Variants in DNAJC5G observed in about 807,000 individuals in gnomAD.
The protein encoded by DNAJC5G is DnaJ heat shock protein family (Hsp40) member C5 gamma.
In DNAJC5G, 13 loss-of-function variants were observed where a neutral mutation model predicts 19.1. The ratio of observed to expected loss-of-function variants is 0.68; its 90% CI spans 0.44 to 1.08. The LOEUF is 1.08. DNAJC5G is among the 50% of genes least tolerant of loss of function. The probability of loss-of-function intolerance (pLI) is 0.00; values close to 1 mark genes in which losing one functional copy is unlikely to be tolerated. For missense variants in DNAJC5G, 245 were observed against 230.4 expected (o/e 1.06, Z -0.41); for synonymous variants, 81 against 84.4 (o/e 0.96, Z 0.22).
chr2:27,279,995 A>G (rs1442576586), intron 5 of DNAJC5G, among the ~76,000 whole-genome samples, 171 bp from the exon 6 acceptor site: 1 of 151,902 alleles, frequency 6.6e-6, no homozygotes, highest in African/African-American at 2.4e-5. Context: ...AAGAAAAGGA[A>G]AGTCTGAGAT....
rs1678213446 is a variant in DNAJC5G, at chr2:27,278,448, A to C, written c.520+116A>C. The C allele has an allele frequency of 1.3e-5, 19 of 1,435,304 alleles. 1 individual carries two copies. The South Asian group carries it at 2.3e-4, about 17-fold the overall frequency. The allele number at this position is 1,435,304 out of a possible 1,614,324, so 88.9% of individuals were successfully genotyped here. ...GTAATCCCAGCACTTTGGGAGGGTG[A>C]GGCGGGTGGATCACTTGAGGTCAGG... On this transcript the variant is annotated intron_variant, in intron 5 of 6. Transcript: ENST00000296097.
At chr2:27,277,683 A>T (rs763241791) in intron 3 of DNAJC5G, 71 bp from the exon 4 acceptor site, 17 of 1,575,510 alleles carry the variant, frequency 1.1e-5, no homozygotes, top group Non-Finnish European at 1.4e-5. Flanking sequence ...CCTTTGTACC[A>T]CATCTCATGC....
intron 1 of DNAJC5G, chr2:27,275,866 A>ACCCCCCCCCCCCCCCCC: frequency 1.1e-5 from 1 of 93,178 alleles, no homozygotes; most frequent in African/African-American, 4.2e-5. Context: ...AGCACTCCCC[A>ACCCCCCCCCCCCCCCCC]CCCCCGCCCC....
Position 27,280,483 on chromosome 2 carries a change from A to G in DNAJC5G, c.*73A>G, listed in dbSNP as rs996545734. On this transcript the variant is annotated 3_prime_UTR_variant, in exon 7 of 7. Coordinates refer to ENST00000296097, the MANE Select transcript of DNAJC5G (RefSeq NM_173650.3). ...GCCCAGTCCCCTGGACACATTGAAG[A>G]GAGGAGCAAGTAGCCCTGTCCTGAC... is the stretch of plus-strand genomic sequence containing the variant. 5.0e-6 allele frequency: 2 copies of G among 402,648 alleles called. No homozygotes were observed. The highest frequency in any genetic ancestry group is 3.7e-5 in the Admixed American group (1 of 27,260). The allele number at this position is 402,648 out of a possible 1,614,324, so 24.9% of individuals were successfully genotyped here. A position where few individuals can be genotyped will look rare whatever the true frequency, so the allele number is the denominator to read the frequency against.
intron 2 of DNAJC5G, 79 bp from the exon 3 acceptor site, chr2:27,276,647 T>A (rs1217404594): frequency 1.8e-5 from 24 of 1,305,004 alleles, no homozygotes; most frequent in Non-Finnish European, 2.6e-5. Flanking sequence ...AGGTAGTGAG[T>A]TTCCTGTCAC....
chr2:27,280,339 G>A, intron 6 of DNAJC5G, 90 bp from the exon 7 acceptor site: 1 of 941,652 alleles, frequency 1.1e-6, no homozygotes, highest in Admixed American at 1.9e-5. Context: ...TATGGACTAT[G>A]TGTTTATATC....
chr2:27,278,040 A>G, intron 4 of DNAJC5G, 25 bp downstream of exon 4: 1 of 1,611,072 alleles, frequency 6.2e-7, no homozygotes, highest in Non-Finnish European at 8.5e-7. Flanking sequence ...AGGTCCTTTA[A>G]GAATAAGGAA....
intron 1 of DNAJC5G, 174 bp downstream of exon 1, chr2:27,275,727 T>C: frequency 6.2e-6 from 1 of 160,794 alleles, no homozygotes; most frequent in African/African-American, 2.4e-5. Flanking sequence ...CAGCAACGCC[T>C]TTTCTCTTCC....
Position 27,280,471 on chromosome 2 carries a change from G to C in DNAJC5G, c.*61G>C, listed in dbSNP as rs571209790. Reference sequence around the variant, plus strand: ...GTGCCTTCTGCTGCCCAGTCCCCTGGACACATTGAAGAGAGGAGCAAGTAG... The same window carrying C: ...GTGCCTTCTGCTGCCCAGTCCCCTGCACACATTGAAGAGAGGAGCAAGTAG... On this transcript the variant is annotated 3_prime_UTR_variant, in exon 7 of 7. Coordinates refer to ENST00000296097, the MANE Select transcript of DNAJC5G (RefSeq NM_173650.3). The C allele has an allele frequency of 2.3e-6, 1 of 439,544 alleles. No individual in the cohort carries two copies. Among genetic ancestry groups the C allele is most frequent in the East Asian group, 3.9e-5 (1 of 25,846 alleles). The allele number at this position is 439,544 out of a possible 1,614,324, so 27.2% of individuals were successfully genotyped here.
intron 3 of DNAJC5G, 56 bp downstream of exon 3, chr2:27,276,897 T>C (rs537419895): frequency 2.1e-6 from 3 of 1,456,168 alleles, no homozygotes; most frequent in East Asian, 4.6e-5. Context: ...ACCTTTTTCT[T>C]TCTGTATCTC....
chr2:27,280,331 T>C (rs1257236891), intron 6 of DNAJC5G, 98 bp downstream of exon 6: 1 of 996,150 alleles, frequency 1.0e-6, no homozygotes, highest in Non-Finnish European at 1.6e-6. Context: ...CCTTATAGTA[T>C]GGACTATGTG....
At chr2:27,278,131 G>C (rs1678193604) in intron 4 of DNAJC5G, 57 bp from the exon 5 acceptor site, 5 of 1,612,044 alleles carry the variant, frequency 3.1e-6, no homozygotes, top group Non-Finnish European at 8.5e-7. Flanking sequence ...AGGGAGGGAA[G>C]CTTGAGCAGT....
intron 5 of DNAJC5G, among the ~76,000 whole-genome samples, 153 bp from the exon 6 acceptor site, chr2:27,280,013 C>T (rs1678297075): frequency 6.6e-6 from 1 of 151,982 alleles, no homozygotes; most frequent in Non-Finnish European, 1.5e-5. Context: ...GATCATTCCC[C>T]CCCAAATGAA....
At chr2:27,280,329 T>A (rs745636263) in intron 6 of DNAJC5G, 96 bp downstream of exon 6, 82 of 1,008,128 alleles carry the variant, frequency 8.1e-5, no homozygotes, top group Admixed American at 1.6e-4. Context: ...ATCCTTATAG[T>A]ATGGACTATG....
chr2:27,278,458 A>G lies in DNAJC5G; in HGVS notation c.520+126A>G, dbSNP rs893607570. Reference sequence around the variant, plus strand: ...CACTTTGGGAGGGTGAGGCGGGTGGATCACTTGAGGTCAGGAGTTGGAGAC... The same window carrying G: ...CACTTTGGGAGGGTGAGGCGGGTGGGTCACTTGAGGTCAGGAGTTGGAGAC... On this transcript the variant is annotated intron_variant, in intron 5 of 6. Coordinates refer to ENST00000296097, the MANE Select transcript of DNAJC5G (RefSeq NM_173650.3). The G allele has an allele frequency of 2.2e-4, 304 of 1,384,218 alleles. No homozygotes were observed. The highest frequency in any genetic ancestry group is 3.6e-4 in the Admixed American group (16 of 44,082). The allele number at this position is 1,384,218 out of a possible 1,614,324, so 85.7% of individuals were successfully genotyped here. A position where few individuals can be genotyped will look rare whatever the true frequency, so the allele number is the denominator to read the frequency against.
chr2:27,276,919 G>A (rs1312606962), intron 3 of DNAJC5G, 78 bp downstream of exon 3: 6 of 839,748 alleles, frequency 7.1e-6, no homozygotes, highest in Non-Finnish European at 1.0e-5. Flanking sequence ...TTTGCTATCT[G>A]ACTCTTTTTT....
At position 27,280,020 on chromosome 2, in the gene DNAJC5G, T is replaced by C. The variant is rs1678297854; in HGVS notation, c.521-146T>C. ...AAGTCTGAGATCATTCCCCCCCAAA[T>C]GAACTTTTATAAGCTGATTGAACTT... On this transcript the variant is annotated intron_variant, in intron 5 of 6. Coordinates refer to ENST00000296097, the MANE Select transcript of DNAJC5G (RefSeq NM_173650.3). 11 of 676,696 alleles carry C rather than the reference T, an allele frequency of 1.6e-5. No homozygotes were observed. The South Asian group carries it at 1.8e-4, about 11-fold the overall frequency. 41.9% of individuals were successfully genotyped at this position (676,696 alleles called of 1,614,324 possible).
In DNAJC5G at chr2:27,278,181, C is replaced by A. The variant is rs748482611; in HGVS notation, c.376-7C>A. 6.2e-7 allele frequency: 1 copy of A among 1,614,100 alleles called. No homozygotes were observed. Among genetic ancestry groups the A allele is most frequent in the East Asian group, 2.2e-5 (1 of 44,880 alleles). On this transcript the variant is annotated splice_region_variant and splice_polypyrimidine_tract_variant and intron_variant, in intron 4 of 6. Coordinates refer to ENST00000296097, the MANE Select transcript of DNAJC5G (RefSeq NM_173650.3). The stretch of plus-strand genomic sequence containing the variant: ...CTGGACTGAGGCCATTCTCGCCTAC[C>A]TTTTAGACACTTGTCATCCTGTGTA...
At position 27,276,921 on chromosome 2, in the gene DNAJC5G, CTCT is replaced by C; in HGVS notation, c.113+82_113+84del. On this transcript the variant is annotated intron_variant, in intron 3 of 6. Transcript: ENST00000296097. ...TTTCTGTATCTCTTTTGCTATCTGA[CTCT>C]TTTTTTTTTTTTTTTTTTTTGAGAG... The C allele has an allele frequency of 9.8e-5, 75 of 762,978 alleles. No individual in the cohort carries two copies. The East Asian group carries it at 2.2e-3, about 23-fold the overall frequency. 47.3% of individuals were successfully genotyped at this position (762,978 alleles called of 1,614,324 possible).
Sources: gnomAD v4.1 joint callset for allele counts (sites outside exome capture counted in the v4.1 genomes callset) on GRCh38, gnomAD v4.1.1 for gene constraint, MANE v1.5 for transcripts, NCBI Gene and HGNC (gene_info 2026-07-23, HGNC 2026-07-21) for gene names.